Variants in RNFT2 observed in about 807,000 individuals in gnomAD.
RNFT2 encodes ring finger protein, transmembrane 2.
A neutral mutation model predicts 53.0 loss-of-function variants in RNFT2; 36 were observed. The observed-to-expected ratio is 0.68, with a 90% confidence interval of 0.52 to 0.90. The LOEUF is 0.90. Ranked by LOEUF, RNFT2 falls within the 40% of genes least tolerant of loss-of-function variation. The pLI, the probability that RNFT2 is intolerant of heterozygous loss-of-function variation, is 0.00. For missense variants in RNFT2, 514 were observed against 585.6 expected, an observed-to-expected ratio of 0.88 and a Z score of 1.26; for synonymous variants, 260 against 253.2, an observed-to-expected ratio of 1.03 and a Z score of -0.26.
chr12:116,815,975 T>G (rs774730332), intron 7 of RNFT2, among the ~76,000 whole-genome samples: 1 of 152,060 alleles, frequency 6.6e-6, no homozygotes. Flanking sequence ...CTCCTTCCCT[T>G]GCACCTCTCC....
intron 5 of RNFT2, among the ~76,000 whole-genome samples, chr12:116,755,182 T>C (rs1283706222): frequency 6.6e-6 from 1 of 152,170 alleles, no homozygotes; most frequent in Non-Finnish European, 1.5e-5. Flanking sequence ...GAGATGAGGA[T>C]CCAGTTTCAC....
chr12:116,840,805 G>A (rs2137213522), intron 10 of RNFT2, among the ~76,000 whole-genome samples: 1 of 152,194 alleles, frequency 6.6e-6, no homozygotes, highest in Admixed American at 6.5e-5. Flanking sequence ...GCTGTATATG[G>A]GTTTTGAAAA....
rs1380330132 is a variant in RNFT2, at chr12:116,852,648, A to C, written c.*3200A>C. 6.2e-7 allele frequency: 1 copy of C among 1,614,046 alleles called. No individual in the cohort carries two copies. The highest frequency in any genetic ancestry group is 1.7e-5 in the Admixed American group (1 of 60,022). ...TTATCGGAAAGATCATCCTGCCTGC[A>C]GATGCTGTTGAAGGGGCACAAGAAA... On this transcript the variant is annotated 3_prime_UTR_variant, in exon 11 of 11. Coordinates refer to ENST00000257575, the MANE Select transcript of RNFT2 (RefSeq NM_001382266.1).
intron 7 of RNFT2, among the ~76,000 whole-genome samples, chr12:116,832,310 A>G (rs899376420): frequency 6.6e-6 from 1 of 151,970 alleles, no homozygotes; most frequent in African/African-American, 2.4e-5. Flanking sequence ...AACCAGAATT[A>G]TACAACAAAT....
At chr12:116,792,250 A>G (rs1437201693) in intron 7 of RNFT2, among the ~76,000 whole-genome samples, 6 of 152,104 alleles carry the variant, frequency 3.9e-5, no homozygotes, top group South Asian at 2.1e-4. Context: ...GGGTTTCACC[A>G]TGTTGGCCAG....
chr12:116,755,351 T>A (rs922962044), intron 5 of RNFT2: 26 of 745,364 alleles, frequency 3.5e-5, no homozygotes, highest in Admixed American at 2.1e-4. Flanking sequence ...TATTTTTTTT[T>A]ATAGCCCAGA....
chr12:116,830,552 T>C (rs1876588038), intron 7 of RNFT2, among the ~76,000 whole-genome samples: 1 of 152,206 alleles, frequency 6.6e-6, no homozygotes, highest in Admixed American at 6.5e-5. Flanking sequence ...CCTCCCAAAG[T>C]GTTGGGAGTA....
At chr12:116,783,223 T>G (rs1303136483) in intron 7 of RNFT2, among the ~76,000 whole-genome samples, 1 of 152,258 alleles carries the variant, frequency 6.6e-6, no homozygotes, top group Non-Finnish European at 1.5e-5. Flanking sequence ...AACTCAGGTC[T>G]GCCTTATGCC....
chr12:116,844,777 A>T (rs949019987), intron 10 of RNFT2, among the ~76,000 whole-genome samples: 18 of 152,182 alleles, frequency 1.2e-4, no homozygotes, highest in Non-Finnish European at 2.2e-4. Context: ...GCTATTTCCC[A>T]TTCACTTAAC....
chr12:116,851,595 C>T lies in RNFT2; in HGVS notation c.*2147C>T. 1 of 596,756 alleles carries T rather than the reference C, an allele frequency of 1.7e-6. No individual in the cohort carries two copies. The highest frequency in any genetic ancestry group is 3.0e-5 in the Admixed American group (1 of 33,452). 37.0% of individuals were successfully genotyped at this position (596,756 alleles called of 1,614,324 possible). A position where few individuals can be genotyped will look rare whatever the true frequency, so the allele number is the denominator to read the frequency against. On this transcript the variant is annotated 3_prime_UTR_variant, in exon 11 of 11. Transcript: ENST00000257575. ...CTTTACTAAAAAATACAAAAATTAG[C>T]CGGGCGCGGTGGCGGGTGCCTGTAA...
intron 10 of RNFT2, among the ~76,000 whole-genome samples, chr12:116,841,806 AATATATATATAAAAATATATATATAT>A (rs1877282736): frequency 3.4e-5 from 3 of 88,132 alleles, no homozygotes; most frequent in Non-Finnish European, 6.1e-5. Context: ...TATATATATA[AATATATATATAAAAATATATATATAT>A]AAATATATAT....
At chr12:116,772,350 A>G (rs1873240116) in intron 6 of RNFT2, among the ~76,000 whole-genome samples, 2 of 152,182 alleles carry the variant, frequency 1.3e-5, no homozygotes, top group Admixed American at 6.5e-5. Context: ...CTCTGTCACC[A>G]GGCTGAAGTG....
chr12:116,755,575 C>T, intron 5 of RNFT2: 5 of 856,000 alleles, frequency 5.8e-6, no homozygotes, highest in South Asian at 5.3e-5. Context: ...TATCTCGGCT[C>T]TCAGAGTGCT....
intron 7 of RNFT2, among the ~76,000 whole-genome samples, chr12:116,822,896 C>G (rs930736466): frequency 6.6e-6 from 1 of 152,160 alleles, no homozygotes; most frequent in African/African-American, 2.4e-5. Context: ...ACTTGGGAGG[C>G]TGAGGCACGA....
chr12:116,749,832 G>A lies in RNFT2; in HGVS notation c.84-9G>A. The A allele has an allele frequency of 5.1e-6, 8 of 1,565,076 alleles. No individual in the cohort carries two copies. Among genetic ancestry groups the A allele is most frequent in the Non-Finnish European group, 6.9e-6 (8 of 1,154,320 alleles). ...GACTTCCTGGGGTTTCTCTCCCCTT[G>A]GCACCCAGAAACCGCAGCCAGGCGC... On this transcript the variant is annotated splice_polypyrimidine_tract_variant and intron_variant, in intron 3 of 10. Coordinates refer to ENST00000257575, the MANE Select transcript of RNFT2 (RefSeq NM_001382266.1).
Position 116,747,374 on chromosome 12 carries a change from A to G in RNFT2, c.84-2467A>G, listed in dbSNP as rs566270255. On this transcript the variant is annotated intron_variant, in intron 3 of 10. Transcript: ENST00000257575. ...GCTGGTCTTTTATATATTTTAAAAC[A>G]TATTTCCTGGAGCCAATTGCAGTGG... is the stretch of plus-strand genomic sequence containing the variant. Among the ~76,000 whole-genome samples, 8 of 152,192 alleles carry G rather than the reference A, an allele frequency of 5.3e-5. No homozygotes were observed. In the East Asian group the frequency reaches 1.4e-3, roughly 26 times the overall value.
chr12:116,759,335 C>T (rs1285895282), intron 5 of RNFT2, among the ~76,000 whole-genome samples: 1 of 152,164 alleles, frequency 6.6e-6, no homozygotes, highest in South Asian at 2.1e-4. Flanking sequence ...AGCTTAATAA[C>T]TAACTTTCTG....
At chr12:116,833,305 C>T (rs1876779665) in intron 7 of RNFT2, among the ~76,000 whole-genome samples, 1 of 152,190 alleles carries the variant, frequency 6.6e-6, no homozygotes, top group South Asian at 2.1e-4. Context: ...CGTATCTCCC[C>T]GCTTTGGGCC....
chr12:116,812,921 G>A (rs1485253061), intron 7 of RNFT2, among the ~76,000 whole-genome samples: 7 of 151,804 alleles, frequency 4.6e-5, no homozygotes, highest in Admixed American at 4.6e-4. Flanking sequence ...AGAGGCAAGG[G>A]AGTCCTTTGG....
Sources: gnomAD v4.1 joint callset for allele counts (sites outside exome capture counted in the v4.1 genomes callset) on GRCh38, gnomAD v4.1.1 for gene constraint, MANE v1.5 for transcripts, NCBI Gene and HGNC (gene_info 2026-07-23, HGNC 2026-07-21) for gene names.